ANK3: variants seen among roughly 807,000 people sequenced by gnomAD.
ANK3 encodes ankyrin 3.
In ANK3, 57 loss-of-function variants were observed where a neutral mutation model predicts 370.9. The ratio of observed to expected loss-of-function variants is 0.15; its 90% CI spans 0.12 to 0.19. The LOEUF is 0.19. ANK3 is among the 10% of genes least tolerant of loss of function. ANK3 has a pLI of 1.00. For missense variants in ANK3, 4,439 were observed against 5,302.1 expected, an observed-to-expected ratio of 0.84 and a Z score of 5.06; for synonymous variants, 1,929 against 1,946.3, an observed-to-expected ratio of 0.99 and a Z score of 0.23.
At chr10:60,548,659 C>T (rs2077025140) in intron 2 of ANK3, among the ~76,000 whole-genome samples, 1 of 152,096 alleles carries the variant, frequency 6.6e-6, no homozygotes, top group Non-Finnish European at 1.5e-5. Context: ...TACTAGTTCC[C>T]ATTGATTGCA....
At chr10:60,546,979 C>A (rs2076977533) in intron 2 of ANK3, among the ~76,000 whole-genome samples, 1 of 151,906 alleles carries the variant, frequency 6.6e-6, no homozygotes, top group South Asian at 2.1e-4. Flanking sequence ...TCCAAGATCA[C>A]ACAGCTGGTA....
chr10:60,243,424 C>T (rs974931700), intron 7 of ANK3, among the ~76,000 whole-genome samples: 2 of 152,308 alleles, frequency 1.3e-5, no homozygotes, highest in South Asian at 4.1e-4. Context: ...AAGACCTGAA[C>T]TGGACATGCA....
intron 16 of ANK3, among the ~76,000 whole-genome samples, chr10:60,192,517 C>G (rs2096505829): frequency 6.6e-6 from 1 of 151,742 alleles, no homozygotes; most frequent in Non-Finnish European, 1.5e-5. Context: ...TACTACTCAG[C>G]TATAAAAAAG....
intron 1 of ANK3, among the ~76,000 whole-genome samples, chr10:60,347,206 T>C (rs1257082852): frequency 3.3e-5 from 5 of 151,806 alleles, no homozygotes; most frequent in African/African-American, 2.4e-5. Flanking sequence ...ATTCCATGAT[T>C]ATAAACTGTA....
intron 2 of ANK3, among the ~76,000 whole-genome samples, chr10:60,415,717 G>C (rs1221383751): frequency 1.3e-5 from 2 of 152,108 alleles, no homozygotes; most frequent in Non-Finnish European, 2.9e-5. Context: ...GAGGCTGTTT[G>C]TTATAGGAGA....
chr10:60,071,101 C>A lies in ANK3; in HGVS notation c.9780G>T (p.Leu3260=). 1 of 1,614,088 alleles carries A rather than the reference C, an allele frequency of 6.2e-7. No homozygotes were observed. Residue 3260 remains leucine, a synonymous_variant, in exon 37 of 44, where the codon CTG becomes CTT. Coordinates refer to ENST00000280772, the MANE Select transcript of ANK3 (RefSeq NM_020987.5). ...AYIEFPPPPP[L]DADQIESDKK... ...TATCTGACTCAATCTGGTCCGCATC[C>A]AGTGGTGGAGGAGGGGGAAATTCAA...
Position 60,035,925 on chromosome 10 carries a change from T to G in ANK3, c.*20-6099A>C, listed in dbSNP as rs141137454. On this transcript the variant is annotated intron_variant, in intron 43 of 43. Coordinates refer to ENST00000280772, the MANE Select transcript of ANK3 (RefSeq NM_020987.5). Reference sequence around the variant, plus strand: ...AAAATACATAATATAAAAACATATTTACTCTATATGAATTCCGGTAAAATA... The same window carrying G: ...AAAATACATAATATAAAAACATATTGACTCTATATGAATTCCGGTAAAATA... Among the ~76,000 whole-genome samples the G allele has an allele frequency of 5.0e-4, 76 of 152,124 alleles. 1 individual carries two copies. Among genetic ancestry groups the G allele is most frequent in the Non-Finnish European group, 7.4e-5 (5 of 68,004 alleles).
At chr10:60,159,219 C>A (rs1296341751) in intron 23 of ANK3, among the ~76,000 whole-genome samples, 5 of 112,078 alleles carry the variant, frequency 4.5e-5, no homozygotes, top group South Asian at 2.9e-4. Context: ...AAGACACATA[C>A]AGGCTAAAAT....
At chr10:60,569,111 C>T (rs181086773) in intron 2 of ANK3, among the ~76,000 whole-genome samples, 2 of 152,218 alleles carry the variant, frequency 1.3e-5, no homozygotes, top group African/African-American at 2.4e-5. Context: ...CTTTAAGTGT[C>T]ACTTCCTACA....
In ANK3 at chr10:60,084,707, G is replaced by T. The variant is rs140104995; in HGVS notation, c.3969C>A (p.Pro1323=). Reference sequence around the variant, plus strand: ...AGAAACATCGCAAGGAAGATTCTACGGGATCATTCATTTTGGCAAAAACAA... The same window carrying T: ...AGAAACATCGCAAGGAAGATTCTACTGGATCATTCATTTTGGCAAAAACAA... ...KFVVFAKMND[P]VESSLRCFCM... is the part of the protein sequence containing the mutation. The change falls in exon 32 of 44, where the codon CCC becomes CCA. Residue 1323 remains proline, a synonymous_variant. Transcript: ENST00000280772. 2 of 1,613,648 alleles carry T rather than the reference G, an allele frequency of 1.2e-6. No individual in the cohort carries two copies. Among genetic ancestry groups the T allele is most frequent in the Admixed American group, 3.3e-5 (2 of 59,894 alleles).
At chr10:60,620,786 G>C (rs2078325874) in intron 1 of ANK3, among the ~76,000 whole-genome samples, 1 of 152,078 alleles carries the variant, frequency 6.6e-6, no homozygotes, top group South Asian at 2.1e-4. Context: ...TTCTTTTAAA[G>C]TAGTGATTTT....
At chr10:60,115,061 C>T (rs1385046931) in intron 25 of ANK3, among the ~76,000 whole-genome samples, 1 of 152,138 alleles carries the variant, frequency 6.6e-6, no homozygotes, top group African/African-American at 2.4e-5. Context: ...TTGCTGAATT[C>T]CGAAGCTGTG....
chr10:60,652,461 C>T (rs1366867480), intron 1 of ANK3, among the ~76,000 whole-genome samples: 1 of 151,702 alleles, frequency 6.6e-6, no homozygotes, highest in Non-Finnish European at 1.5e-5. Context: ...AGATAAAGAA[C>T]TTGAAAAAGG....
In ANK3 at chr10:60,443,534, C is replaced by T. The variant is rs115038063; in HGVS notation, c.97-163895G>A. Among the ~76,000 whole-genome samples, 11 of 152,294 alleles carry T rather than the reference C, an allele frequency of 7.2e-5. No homozygotes were observed. In the South Asian group the frequency reaches 2.1e-3, roughly 29 times the overall value. Reference sequence around the variant, plus strand: ...GCCCAATCGTGTTTTTCAATGCTTACTGCCAACATAAACTCCTTCATTTCA... The same window carrying T: ...GCCCAATCGTGTTTTTCAATGCTTATTGCCAACATAAACTCCTTCATTTCA... On this transcript the variant is annotated intron_variant, in intron 2 of 43. Coordinates refer to the ANK3 transcript ENST00000373827.
chr10:60,158,677 C>CTTTTTTCTTTT (rs1464394613), intron 23 of ANK3, among the ~76,000 whole-genome samples: 3 of 49,276 alleles, frequency 6.1e-5, no homozygotes, highest in Admixed American at 2.1e-4. Context: ...AGAGAAAGCA[C>CTTTTTTCTTTT]TTTTTTTCTT....
intron 1 of ANK3, among the ~76,000 whole-genome samples, chr10:60,335,831 A>G (rs1412875738): frequency 6.6e-6 from 1 of 152,160 alleles, no homozygotes; most frequent in Non-Finnish European, 1.5e-5. Flanking sequence ...TATTATGCCC[A>G]ATTTACCAAT....
chr10:60,537,369 T>C (rs771904597), intron 2 of ANK3, among the ~76,000 whole-genome samples: 8 of 152,130 alleles, frequency 5.3e-5, no homozygotes, highest in Non-Finnish European at 1.0e-4. Context: ...TTCTTGAACA[T>C]ACTAATTATT....
chr10:60,238,531 C>T lies in ANK3; in HGVS notation c.799-3745G>A, dbSNP rs541146649. On this transcript the variant is annotated intron_variant, in intron 7 of 43. Coordinates refer to ENST00000280772, the MANE Select transcript of ANK3 (RefSeq NM_020987.5). Reference sequence around the variant, plus strand: ...GAGTCTGAGCTTACATGAAAGACCCCCAACCCCTAGCACTAGCCTAGCACA... The same window carrying T: ...GAGTCTGAGCTTACATGAAAGACCCTCAACCCCTAGCACTAGCCTAGCACA... 3.9e-5 allele frequency among the ~76,000 whole-genome samples: 6 copies of T among 152,172 alleles called. No individual in the cohort carries two copies. The East Asian group carries it at 1.2e-3, about 29-fold the overall frequency.
chr10:60,491,420 G>C (rs2075500757), intron 2 of ANK3, among the ~76,000 whole-genome samples: 1 of 152,190 alleles, frequency 6.6e-6, no homozygotes, highest in Non-Finnish European at 1.5e-5. Flanking sequence ...CCGTGCCTCT[G>C]TGAATGCAAA....
Sources: allele counts gnomAD v4.1 joint callset (sites outside exome capture counted in the v4.1 genomes callset), GRCh38; gene constraint gnomAD v4.1.1; transcripts MANE v1.5; gene names NCBI Gene and HGNC (gene_info 2026-07-23, HGNC 2026-07-21).